The following ACOXL variants were observed in gnomAD, a reference collection of about 807,000 sequenced individuals.
ACOXL encodes the protein acyl-CoA oxidase like.
ACOXL carries 70 observed loss-of-function variants against 71.9 expected under a neutral mutation model. The observed-to-expected ratio is 0.97, with a 90% CI of 0.80 to 1.19. The LOEUF is 1.19. Among genes scored for constraint, ACOXL ranks in the 50% most tolerant of loss-of-function variants. The pLI is 0.00. For missense variants in ACOXL, 703 were observed against 736.3 expected (o/e 0.95, Z 0.52); for synonymous variants, 253 against 281.6 (o/e 0.90, Z 1.02).
At chr2:110,751,982 T>C (rs1679029012) in intron 1 of ACOXL, among the ~76,000 whole-genome samples, 2 of 151,930 alleles carry the variant, frequency 1.3e-5, no homozygotes, top group Non-Finnish European at 2.9e-5. Context: ...AAAGAATACA[T>C]AGTAGATAAT....
At chr2:110,832,770 A>G (rs956168646) in intron 9 of ACOXL, among the ~76,000 whole-genome samples, 2 of 152,220 alleles carry the variant, frequency 1.3e-5, no homozygotes, top group African/African-American at 4.8e-5. Context: ...GGTAAAAGAG[A>G]TTAAGAGCTA....
At chr2:110,964,399 G>C (rs1271087283) in intron 12 of ACOXL, among the ~76,000 whole-genome samples, 1 of 152,210 alleles carries the variant, frequency 6.6e-6, no homozygotes, top group Non-Finnish European at 1.5e-5. Flanking sequence ...TGCTTTCAGA[G>C]AGTGCTATTT....
intron 1 of ACOXL, among the ~76,000 whole-genome samples, chr2:110,737,131 T>C (rs958250108): frequency 6.6e-6 from 1 of 152,264 alleles, no homozygotes; most frequent in Admixed American, 6.5e-5. Flanking sequence ...GAAATTGAAT[T>C]CTTATTTTCA....
In ACOXL at chr2:110,896,539, A is replaced by T. The variant is rs569616692; in HGVS notation, c.789-12250A>T. On this transcript the variant is annotated intron_variant, in intron 10 of 17. Coordinates refer to ENST00000439055, the MANE Select transcript of ACOXL (RefSeq NM_001142807.4). ...TAAATGTCAAAGAATGAAAAAAGAC[A>T]TATCGTGCAAAGATTTGCCAAAAAA... Among the ~76,000 whole-genome samples, 4 of 152,268 alleles carry T rather than the reference A, an allele frequency of 2.6e-5. No individual in the cohort carries two copies. In the East Asian group the frequency reaches 7.7e-4, roughly 29 times the overall value.
At chr2:110,737,999 CT>C (rs2104667926) in intron 1 of ACOXL, among the ~76,000 whole-genome samples, 1 of 152,348 alleles carries the variant, frequency 6.6e-6, no homozygotes, top group Admixed American at 6.5e-5. Context: ...CAGAAGATAG[CT>C]GAGATGACAG....
chr2:111,073,732 G>A (rs1298551253), intron 16 of ACOXL, among the ~76,000 whole-genome samples: 1 of 152,062 alleles, frequency 6.6e-6, no homozygotes, highest in Non-Finnish European at 1.5e-5. Flanking sequence ...AATTGTTTTA[G>A]TGATTCTAGT....
At chr2:110,987,291 A>G (rs1422423897) in intron 13 of ACOXL, 74 bp downstream of exon 13, 3 of 1,356,306 alleles carry the variant, frequency 2.2e-6, no homozygotes, top group Non-Finnish European at 3.1e-6. Flanking sequence ...CAGCCTTGGC[A>G]TAACTCACTC....
chr2:111,031,681 G>A lies in ACOXL; in HGVS notation c.1336G>A (p.Val446Met), dbSNP rs151050088. Residue 446 changes from valine to methionine, a missense_variant, in exon 15 of 18, where the codon GTG (valine) becomes ATG (methionine). Physicochemically the swap from Val to Met is conservative, Grantham distance 21. Coordinates refer to ENST00000439055, the MANE Select transcript of ACOXL (RefSeq NM_001142807.4). The stretch of plus-strand genomic sequence containing the variant: ...TGCCTGGAACTCGTGTCTGCACCAC[G>A]TGGCTTCTCTGTCCCTGGCACACAC... ...FHAWNSCLHHVASLSLAHTHR... is the reference protein window; with the variant it reads ...FHAWNSCLHHMASLSLAHTHR... 160 of 1,614,028 alleles carry A rather than the reference G, an allele frequency of 9.9e-5. No homozygotes were observed. The East Asian group carries it at 2.8e-3, about 28-fold the overall frequency.
intron 16 of ACOXL, among the ~76,000 whole-genome samples, chr2:111,056,903 A>G (rs997129096): frequency 1.3e-5 from 2 of 152,074 alleles, no homozygotes; most frequent in African/African-American, 4.8e-5. Context: ...CTTCGGAAAC[A>G]TTTTTGAGTG....
chr2:110,860,903 CG>C (rs1335108936), intron 10 of ACOXL, among the ~76,000 whole-genome samples: 2 of 152,200 alleles, frequency 1.3e-5, no homozygotes, highest in Non-Finnish European at 2.9e-5. Context: ...TCTCACAGAT[CG>C]GAGTCCTGCT....
intron 9 of ACOXL, among the ~76,000 whole-genome samples, chr2:110,839,734 T>C (rs1182717626): frequency 6.6e-6 from 1 of 152,006 alleles, no homozygotes; most frequent in African/African-American, 2.4e-5. Context: ...GGCAGTGGCG[T>C]TGGACTTTTT....
At chr2:110,883,133 A>G (rs541811628) in intron 10 of ACOXL, among the ~76,000 whole-genome samples, 70 of 69,172 alleles carry the variant, frequency 1.0e-3, no homozygotes, top group African/African-American at 3.2e-3. Context: ...TTTTTTTGAG[A>G]CGATCTCACT....
rs183198461 is a variant in ACOXL at position 111,107,788 on chromosome 2, T to C, written c.1543-9828T>C. On this transcript the variant is annotated intron_variant, in intron 17 of 17. Transcript: ENST00000439055. ...CAGGCGTGAGTCACCACGCCCGGCC[T>C]TTGACTACAGTTTTTGAGAAGAGAA... Among the ~76,000 whole-genome samples the C allele has an allele frequency of 3.0e-3, 462 of 152,306 alleles. 2 individuals carry two copies. Among genetic ancestry groups the C allele is most frequent in the Non-Finnish European group, 5.3e-3 (359 of 68,014 alleles).
At chr2:111,032,872 T>G (rs1157321238) in intron 15 of ACOXL, among the ~76,000 whole-genome samples, 1 of 152,190 alleles carries the variant, frequency 6.6e-6, no homozygotes, top group African/African-American at 2.4e-5. Context: ...CAGGAATGTG[T>G]GGGAGCCGCC....
intron 12 of ACOXL, among the ~76,000 whole-genome samples, chr2:110,983,744 A>G (rs1226366890): frequency 6.6e-6 from 1 of 152,234 alleles, no homozygotes; most frequent in African/African-American, 2.4e-5. Context: ...ATCTACTACT[A>G]GGTCCATTTT....
chr2:110,950,257 G>A (rs1185282694), intron 12 of ACOXL, among the ~76,000 whole-genome samples: 1 of 152,028 alleles, frequency 6.6e-6, no homozygotes, highest in Non-Finnish European at 1.5e-5. Flanking sequence ...GAGAAAGTCC[G>A]TATGTCATCT....
chr2:110,775,575 A>G (rs1047254628), intron 2 of ACOXL, among the ~76,000 whole-genome samples: 2 of 152,216 alleles, frequency 1.3e-5, no homozygotes, highest in Non-Finnish European at 2.9e-5. Flanking sequence ...AGATTAAAAA[A>G]TGGTCAAAGA....
chr2:111,061,157 T>C (rs2066794937), intron 16 of ACOXL, among the ~76,000 whole-genome samples: 1 of 152,102 alleles, frequency 6.6e-6, no homozygotes, highest in Non-Finnish European at 1.5e-5. Context: ...CCCATAAACC[T>C]ACGGATTCAA....
At chr2:110,807,862 G>A (rs1442474723) in intron 9 of ACOXL, among the ~76,000 whole-genome samples, 1 of 152,140 alleles carries the variant, frequency 6.6e-6, no homozygotes, top group Non-Finnish European at 1.5e-5. Flanking sequence ...TTTCTCCTAC[G>A]TGCGTTCCTT....
Sources: gnomAD v4.1 joint callset for allele counts (sites outside exome capture counted in the v4.1 genomes callset) on GRCh38, gnomAD v4.1.1 for gene constraint, MANE v1.5 for transcripts, NCBI Gene and HGNC (gene_info 2026-07-23, HGNC 2026-07-21) for gene names.